Variants in GRM7 observed in about 807,000 individuals in gnomAD.
GRM7 encodes the protein metabotropic glutamate receptor 7.
Under a neutral mutation model 84.5 loss-of-function variants are expected in GRM7, and 35 were observed. The ratio of observed to expected loss-of-function variants is 0.41; its 90% confidence interval spans 0.32 to 0.55. The LOEUF is 0.55. Among genes scored for constraint, GRM7 ranks in the 20% least tolerant of loss-of-function variants. The pLI, the probability that GRM7 is intolerant of heterozygous loss-of-function variation, is 0.19. For missense variants in GRM7, 1,003 were observed against 1,194.6 expected, an observed-to-expected ratio of 0.84 and a Z score of 2.36; for synonymous variants, 487 against 455.1, an observed-to-expected ratio of 1.07 and a Z score of -0.89.
At chr3:7,221,158 CTT>C (rs894041956) in intron 2 of GRM7, among the ~76,000 whole-genome samples, 2 of 152,132 alleles carry the variant, frequency 1.3e-5, no homozygotes, top group African/African-American at 4.8e-5. Context: ...ACCAAAGAAA[CTT>C]TTCTACATCA....
chr3:7,719,736 T>C (rs1701877980), intron 9 of GRM7, among the ~76,000 whole-genome samples: 1 of 148,654 alleles, frequency 6.7e-6, no homozygotes, highest in African/African-American at 2.5e-5. Context: ...GGCATAAACC[T>C]GAGAGGCGGA....
chr3:7,010,032 A>G (rs1184222984), intron 1 of GRM7, among the ~76,000 whole-genome samples: 1 of 152,198 alleles, frequency 6.6e-6, no homozygotes, highest in East Asian at 1.9e-4. Context: ...TCAAAATCAG[A>G]CCTGTTAATA....
intron 1 of GRM7, among the ~76,000 whole-genome samples, chr3:6,909,343 C>A (rs543063564): frequency 6.6e-6 from 1 of 152,204 alleles, no homozygotes; most frequent in African/African-American, 2.4e-5. Context: ...TTTCTCTCTG[C>A]CTTCTATCCC....
chr3:7,189,724 G>C (rs1199331400), intron 2 of GRM7, among the ~76,000 whole-genome samples: 1 of 152,116 alleles, frequency 6.6e-6, no homozygotes, highest in Non-Finnish European at 1.5e-5. Context: ...CTATAAGCAA[G>C]GAGAAACAGT....
chr3:7,365,839 G>A lies in GRM7; in HGVS notation c.1034-49184G>A, dbSNP rs528826694. 2.1e-4 allele frequency among the ~76,000 whole-genome samples: 32 copies of A among 150,718 alleles called. No individual in the cohort carries two copies. The South Asian group carries it at 6.3e-3, about 30-fold the overall frequency. On this transcript the variant is annotated intron_variant, in intron 4 of 9. Coordinates refer to ENST00000357716, the MANE Select transcript of GRM7 (RefSeq NM_000844.4). ...GCTTGCAAACTTCTCTTTGGAGGAG[G>A]TAGCTCTTTCTCTAAAGGATCTGGA...
rs139586052 is a variant in GRM7 at position 7,059,166 on chromosome 3, C to CAT, written c.520-87275_520-87274dup. ...AGAGGATCCCCTACTTTACATTTTACATATATATATATGTATTACACATAT... is the reference window on the plus strand; with the variant it reads ...AGAGGATCCCCTACTTTACATTTTACATATATATATATATGTATTACACATAT... On this transcript the variant is annotated intron_variant, in intron 1 of 9. Transcript: ENST00000357716. Among the ~76,000 whole-genome samples the CAT allele has an allele frequency of 7.1e-3, 1,071 of 151,376 alleles. 18 individuals carry two copies. The East Asian group carries it at 0.075, about 11-fold the overall frequency.
At chr3:7,142,623 G>T (rs1252406109) in intron 1 of GRM7, among the ~76,000 whole-genome samples, 1 of 152,100 alleles carries the variant, frequency 6.6e-6, no homozygotes, top group Non-Finnish European at 1.5e-5. Context: ...TATAGTTCTT[G>T]ATGCAATTTG....
chr3:7,412,821 A>G (rs1005762647), intron 4 of GRM7, among the ~76,000 whole-genome samples: 2 of 151,456 alleles, frequency 1.3e-5, no homozygotes, highest in Admixed American at 1.3e-4. Flanking sequence ...TTTTTCCTTT[A>G]ACATGACTCT....
chr3:7,506,195 C>A (rs539580299), intron 7 of GRM7, among the ~76,000 whole-genome samples: 2 of 152,132 alleles, frequency 1.3e-5, no homozygotes, highest in African/African-American at 4.8e-5. Flanking sequence ...TACCTAATAA[C>A]AAGGTGGAGG....
chr3:7,348,122 A>G (rs1434374322), intron 4 of GRM7, among the ~76,000 whole-genome samples: 1 of 152,164 alleles, frequency 6.6e-6, no homozygotes, highest in Non-Finnish European at 1.5e-5. Flanking sequence ...GCCCTCAAAC[A>G]TAAGCAGTGA....
At chr3:7,355,720 A>G (rs1015427194) in intron 4 of GRM7, among the ~76,000 whole-genome samples, 3 of 152,118 alleles carry the variant, frequency 2.0e-5, no homozygotes, top group Non-Finnish European at 2.9e-5. Flanking sequence ...GCAGGACTCC[A>G]TCATCAAATG....
rs189464287 is a variant in GRM7 at position 7,021,020 on chromosome 3, A to G, written c.520-125432A>G. On this transcript the variant is annotated intron_variant, in intron 1 of 9. Transcript: ENST00000357716. ...CATTTTTAATATAATACACACAAAG[A>G]AGTTAGGTCACCTTAATAAACCCTG... Among the ~76,000 whole-genome samples the G allele has an allele frequency of 4.5e-4, 69 of 152,250 alleles. No homozygotes were observed. In the East Asian group the frequency reaches 8.5e-3, roughly 19 times the overall value.
intron 4 of GRM7, among the ~76,000 whole-genome samples, chr3:7,330,887 T>G (rs1333281950): frequency 6.6e-6 from 1 of 152,180 alleles, no homozygotes; most frequent in Non-Finnish European, 1.5e-5. Flanking sequence ...GGAATCTTCT[T>G]TCTCTTTATT....
chr3:6,916,577 G>A (rs1427015842), intron 1 of GRM7, among the ~76,000 whole-genome samples: 7 of 152,128 alleles, frequency 4.6e-5, no homozygotes, highest in Middle Eastern at 3.4e-3. Flanking sequence ...GAGGGCTCTC[G>A]GCATCTTGGG....
At chr3:7,210,952 A>G (rs546522786) in intron 2 of GRM7, among the ~76,000 whole-genome samples, 1 of 152,306 alleles carries the variant, frequency 6.6e-6, no homozygotes, top group South Asian at 2.1e-4. Flanking sequence ...TTAAATGAAG[A>G]AGTCTCTATC....
chr3:7,672,762 G>A lies in GRM7; in HGVS notation c.2452-7287G>A, dbSNP rs543139661. Among the ~76,000 whole-genome samples the A allele has an allele frequency of 6.0e-4, 91 of 152,080 alleles. 1 individual carries two copies. The highest frequency in any genetic ancestry group is 1.7e-3 in the African/African-American group (70 of 41,506). On this transcript the variant is annotated intron_variant, in intron 8 of 9. Transcript: ENST00000357716. ...TGGGACTACAGGCGCCCGCTATGGC[G>A]CCCGGCTAATTTTTTTTGTATTTTT... is the stretch of plus-strand genomic sequence containing the variant.
At chr3:7,299,271 T>C (rs991398849) in intron 3 of GRM7, among the ~76,000 whole-genome samples, 1 of 152,160 alleles carries the variant, frequency 6.6e-6, no homozygotes, top group African/African-American at 2.4e-5. Flanking sequence ...TTTCAGAACT[T>C]GATCTTTCTT....
At chr3:7,144,331 G>A (rs1297022066) in intron 1 of GRM7, among the ~76,000 whole-genome samples, 5 of 151,986 alleles carry the variant, frequency 3.3e-5, no homozygotes, top group East Asian at 1.9e-4. Context: ...TGTACAGTCC[G>A]GTTCAGAGTA....
chr3:7,050,809 T>A (rs1248117242), intron 1 of GRM7, among the ~76,000 whole-genome samples: 3 of 151,910 alleles, frequency 2.0e-5, no homozygotes, highest in Non-Finnish European at 4.4e-5. Flanking sequence ...AATGTCTTGA[T>A]GTAATAGTTA....
Sources: gnomAD v4.1 joint callset for allele counts (sites outside exome capture counted in the v4.1 genomes callset) on GRCh38, gnomAD v4.1.1 for gene constraint, MANE v1.5 for transcripts, NCBI Gene and HGNC (gene_info 2026-07-23, HGNC 2026-07-21) for gene names.